Variants in LIN7A observed in about 807,000 individuals in gnomAD.
The protein encoded by LIN7A is lin-7 cell polarity scaffold A.
Under a neutral mutation model 29.8 loss-of-function variants are expected in LIN7A, and 25 were observed. That is an observed-to-expected ratio of 0.84 (90% CI 0.61 to 1.17). The LOEUF (loss-of-function observed/expected upper bound fraction) is 1.17, where lower values mean the gene tolerates loss of function less well. LIN7A is among the 50% of genes most tolerant of loss of function. The pLI is 0.00. For synonymous variants in LIN7A, 118 were observed against 107.5 expected (o/e 1.10, Z -0.60); for missense variants, 239 against 287.0 (o/e 0.83, Z 1.21).
At chr12:80,921,153 C>T (rs1163102300) in intron 1 of LIN7A, among the ~76,000 whole-genome samples, 1 of 152,062 alleles carries the variant, frequency 6.6e-6, no homozygotes, top group Non-Finnish European at 1.5e-5. Context: ...AGCTGCCTTG[C>T]CCCTTCTACC....
chr12:80,899,771 T>TTTTTC (rs1565921262), intron 1 of LIN7A, among the ~76,000 whole-genome samples: 2 of 118,608 alleles, frequency 1.7e-5, no homozygotes, highest in Non-Finnish European at 3.7e-5. Context: ...TTTTCTTTTC[T>TTTTTC]TTTTTTTTTT....
chr12:80,800,450 T>C lies in LIN7A; in HGVS notation c.*1-2724A>G, dbSNP rs186299578. On this transcript the variant is annotated intron_variant, in intron 5 of 5. Transcript: ENST00000552864. Reference sequence around the variant, plus strand: ...GTTGCAGTGAGCTGCGATCGTGCCATTGCACTCCAGCCTGGGCAGCAAGAG... The same window carrying C: ...GTTGCAGTGAGCTGCGATCGTGCCACTGCACTCCAGCCTGGGCAGCAAGAG... 8.1e-4 allele frequency among the ~76,000 whole-genome samples: 97 copies of C among 120,386 alleles called. 2 individuals carry two copies. In the East Asian group the frequency reaches 0.02, roughly 25 times the overall value. The allele number at this position is 120,386 out of a possible 152,430, so 79.0% of individuals were successfully genotyped here. A position where few individuals can be genotyped will look rare whatever the true frequency, so the allele number is the denominator to read the frequency against.
intron 5 of LIN7A, among the ~76,000 whole-genome samples, chr12:80,807,082 T>TTTTTTTTTTTTTTG (rs1555221398): frequency 3.7e-5 from 5 of 134,584 alleles, no homozygotes; most frequent in South Asian, 2.4e-4. Flanking sequence ...TTTTTTTTTT[T>TTTTTTTTTTTTTTG]TTTTTTTTTG....
chr12:80,925,629 A>T (rs1382069563), intron 1 of LIN7A, among the ~76,000 whole-genome samples: 1 of 152,194 alleles, frequency 6.6e-6, no homozygotes, highest in Non-Finnish European at 1.5e-5. Context: ...GAAAACTGAG[A>T]CTTATTCAAG....
chr12:80,857,090 T>C (rs1021302273), intron 2 of LIN7A, among the ~76,000 whole-genome samples: 2 of 152,190 alleles, frequency 1.3e-5, no homozygotes, highest in African/African-American at 4.8e-5. Context: ...GTTGGCTCTG[T>C]GAGATACACC....
rs141395222 is a variant in LIN7A, at chr12:80,840,619, G to A, written c.483+5111C>T. 1.2e-3 allele frequency among the ~76,000 whole-genome samples: 181 copies of A among 152,268 alleles called. 1 individual carries two copies. Among genetic ancestry groups the A allele is most frequent in the African/African-American group, 3.9e-3 (160 of 41,542 alleles). ...GTACTAAATAAATAAAACATATTGTGTTAGATTTCTCATCTTTCCATTCAG... is the reference window on the plus strand; with the variant it reads ...GTACTAAATAAATAAAACATATTGTATTAGATTTCTCATCTTTCCATTCAG... On this transcript the variant is annotated intron_variant, in intron 4 of 5. Coordinates refer to ENST00000552864, the MANE Select transcript of LIN7A (RefSeq NM_004664.4).
At chr12:80,851,771 C>CA (rs1565901694) in intron 2 of LIN7A, among the ~76,000 whole-genome samples, 1 of 149,300 alleles carries the variant, frequency 6.7e-6, no homozygotes, top group African/African-American at 2.5e-5. Context: ...ATTTGTAAGA[C>CA]ATTTCATTGG....
chr12:80,832,521 C>T, intron 4 of LIN7A: 1 of 477,830 alleles, frequency 2.1e-6, no homozygotes, highest in South Asian at 1.5e-5. Context: ...GATGAAATCT[C>T]TTTTCCAGAA....
chr12:80,838,937 G>T (rs555447665), intron 4 of LIN7A, among the ~76,000 whole-genome samples: 2 of 152,318 alleles, frequency 1.3e-5, no homozygotes, highest in Middle Eastern at 3.4e-3. Context: ...CTGGAATGAT[G>T]CAGATATGGA....
At chr12:80,881,454 T>C (rs1875031328) in intron 2 of LIN7A, among the ~76,000 whole-genome samples, 1 of 152,180 alleles carries the variant, frequency 6.6e-6, no homozygotes, top group Non-Finnish European at 1.5e-5. Context: ...CAGATGTCAT[T>C]GTGCAAGGAT....
chr12:80,897,223 ATG>A (rs753969044), intron 1 of LIN7A, among the ~76,000 whole-genome samples: 1 of 150,116 alleles, frequency 6.7e-6, no homozygotes, highest in Non-Finnish European at 1.5e-5. Context: ...TTATTATTTG[ATG>A]TCTTTCCTTT....
chr12:80,869,480 G>A (rs1874316286), intron 2 of LIN7A, among the ~76,000 whole-genome samples: 1 of 152,080 alleles, frequency 6.6e-6, no homozygotes, highest in African/African-American at 2.4e-5. Flanking sequence ...CTCCATCTGA[G>A]CACCACAGGA....
intron 5 of LIN7A, among the ~76,000 whole-genome samples, chr12:80,806,656 C>T (rs965479087): frequency 6.6e-6 from 1 of 152,102 alleles, no homozygotes; most frequent in Non-Finnish European, 1.5e-5. Context: ...TTATAAAAAC[C>T]TGAGATGCTT....
chr12:80,910,286 C>T (rs1197565792), intron 1 of LIN7A, among the ~76,000 whole-genome samples: 3 of 152,050 alleles, frequency 2.0e-5, no homozygotes, highest in Non-Finnish European at 4.4e-5. Flanking sequence ...TTTGGCAGAT[C>T]CCACAGGATT....
At chr12:80,812,810 C>T (rs1291640354) in intron 4 of LIN7A, among the ~76,000 whole-genome samples, 4 of 152,198 alleles carry the variant, frequency 2.6e-5, no homozygotes, top group Non-Finnish European at 5.9e-5. Flanking sequence ...CTCAGCCTCT[C>T]AAGCTGCTGG....
intron 4 of LIN7A, among the ~76,000 whole-genome samples, chr12:80,836,442 A>G (rs1368672940): frequency 6.6e-6 from 1 of 152,132 alleles, no homozygotes; most frequent in East Asian, 1.9e-4. Context: ...GGATTGCTCG[A>G]GCTCAGGAGT....
rs1555221370 is a variant in LIN7A, at chr12:80,807,079, T to TTTTTTTG, written c.*4385_*4386insCAAAAAA. The stretch of plus-strand genomic sequence containing the variant: ...GAAGATGGAGTTTTTTTTTTTTTTT[T>TTTTTTTG]TTTTTTTTTTTTGACGGAGTCTCGC... On this transcript the variant is annotated intron_variant, in intron 5 of 5. Transcript: ENST00000552864. 5.5e-4 allele frequency among the ~76,000 whole-genome samples: 73 copies of TTTTTTTG among 131,958 alleles called. 8 individuals are homozygous for TTTTTTTG. In the East Asian group the frequency reaches 0.012, roughly 22 times the overall value. The allele number at this position is 131,958 out of a possible 152,430, so 86.6% of individuals were successfully genotyped here. A position where few individuals can be genotyped will look rare whatever the true frequency, so the allele number is the denominator to read the frequency against.
chr12:80,800,921 G>C (rs1870690577), intron 5 of LIN7A, among the ~76,000 whole-genome samples: 1 of 152,104 alleles, frequency 6.6e-6, no homozygotes. Context: ...CCATTCAGAA[G>C]AGATTGATTA....
intron 4 of LIN7A, chr12:80,832,506 C>T (rs536214053): frequency 2.1e-6 from 1 of 473,694 alleles, no homozygotes; most frequent in African/African-American, 2.0e-5. Context: ...TGAGATCAAG[C>T]CTTGGATGAA....
Sources: allele counts gnomAD v4.1 joint callset (sites outside exome capture counted in the v4.1 genomes callset), GRCh38; gene constraint gnomAD v4.1.1; transcripts MANE v1.5; gene names NCBI Gene and HGNC (gene_info 2026-07-23, HGNC 2026-07-21).